Variants in CTNND2 observed in about 807,000 individuals in gnomAD.
The protein encoded by CTNND2 is catenin delta 2, also known as catenin delta-2.
CTNND2 carries 22 observed loss-of-function variants against 144.4 expected under a neutral mutation model. The ratio of observed to expected loss-of-function variants is 0.15; its 90% CI spans 0.11 to 0.22. The LOEUF (loss-of-function observed/expected upper bound fraction) is 0.22, where lower values mean the gene tolerates loss of function less well. CTNND2 is among the 10% of genes least tolerant of loss of function. The probability of loss-of-function intolerance (pLI) is 1.00; values close to 1 mark genes in which losing one functional copy is unlikely to be tolerated. For synonymous variants in CTNND2, 751 were observed against 695.6 expected (o/e 1.08, Z -1.25); for missense variants, 1,353 against 1,618.8 (o/e 0.84, Z 2.82).
At chr5:11,192,589 C>G (rs1736401604) in intron 11 of CTNND2, among the ~76,000 whole-genome samples, 1 of 152,138 alleles carries the variant, frequency 6.6e-6, no homozygotes, top group East Asian at 1.9e-4. Context: ...GAAAATGTGA[C>G]CATGGAGGAC....
chr5:11,679,609 C>T (rs1425484752), intron 2 of CTNND2, among the ~76,000 whole-genome samples: 1 of 152,174 alleles, frequency 6.6e-6, no homozygotes, highest in African/African-American at 2.4e-5. Context: ...GCTTCATTGG[C>T]TGCAATCAAG....
chr5:11,528,502 A>G (rs1773466456), intron 3 of CTNND2, among the ~76,000 whole-genome samples: 1 of 152,226 alleles, frequency 6.6e-6, no homozygotes, highest in African/African-American at 2.4e-5. Flanking sequence ...TAATTGAAAT[A>G]TATCAGAGGG....
intron 21 of CTNND2, among the ~76,000 whole-genome samples, chr5:10,980,126 T>A (rs2149484400): frequency 6.6e-6 from 1 of 152,038 alleles, no homozygotes; most frequent in South Asian, 2.1e-4. Flanking sequence ...AACTATAGAA[T>A]GGGAGAAATT....
chr5:11,345,483 AT>A (rs1183767959), intron 9 of CTNND2, among the ~76,000 whole-genome samples: 1 of 152,154 alleles, frequency 6.6e-6, no homozygotes, highest in African/African-American at 2.4e-5. Context: ...TTGCAAAAAA[AT>A]CTATTCCAAC....
chr5:11,564,737 G>A (rs974151010), intron 3 of CTNND2, among the ~76,000 whole-genome samples: 2 of 152,212 alleles, frequency 1.3e-5, no homozygotes, highest in African/African-American at 4.8e-5. Context: ...ATTCAGGGCA[G>A]GCATTAATTT....
At chr5:11,855,466 T>C (rs1467553386) in intron 1 of CTNND2, among the ~76,000 whole-genome samples, 4 of 152,172 alleles carry the variant, frequency 2.6e-5, no homozygotes, top group African/African-American at 9.7e-5. Context: ...CAAGGGAGTT[T>C]AGTGTGTACA....
intron 12 of CTNND2, among the ~76,000 whole-genome samples, chr5:11,131,525 C>T (rs758569641): frequency 2.6e-5 from 4 of 152,310 alleles, no homozygotes; most frequent in South Asian, 2.1e-4. Context: ...CAGTGGCTCA[C>T]GCCTGCAATC....
At chr5:11,807,241 C>T (rs530757168) in intron 1 of CTNND2, among the ~76,000 whole-genome samples, 1 of 152,020 alleles carries the variant, frequency 6.6e-6, no homozygotes, top group Non-Finnish European at 1.5e-5. Context: ...GTGTTTTTCC[C>T]CTTGGTTACT....
chr5:11,413,360 T>C (rs1761691537), intron 3 of CTNND2, among the ~76,000 whole-genome samples: 1 of 152,216 alleles, frequency 6.6e-6, no homozygotes, highest in Non-Finnish European at 1.5e-5. Flanking sequence ...GAATTTAATA[T>C]AAAGTAGTCC....
chr5:11,223,776 G>A (rs1580632933), intron 10 of CTNND2, among the ~76,000 whole-genome samples: 1 of 152,260 alleles, frequency 6.6e-6, no homozygotes, highest in East Asian at 1.9e-4. Flanking sequence ...TAGCCTGCAG[G>A]GAAAATCTCC....
intron 7 of CTNND2, among the ~76,000 whole-genome samples, chr5:11,380,328 G>A (rs1262499619): frequency 3.3e-5 from 5 of 152,144 alleles, no homozygotes; most frequent in African/African-American, 1.2e-4. Context: ...GCACACCCAA[G>A]GTAGTGTGGT....
intron 2 of CTNND2, among the ~76,000 whole-genome samples, chr5:11,700,393 A>G (rs1785374090): frequency 6.6e-6 from 1 of 152,166 alleles, no homozygotes; most frequent in African/African-American, 2.4e-5. Flanking sequence ...CCATCTCCAA[A>G]CAAACAAACA....
At chr5:11,524,105 A>G (rs116285192) in intron 3 of CTNND2, among the ~76,000 whole-genome samples, 354 of 152,306 alleles carry the variant, frequency 2.3e-3, no homozygotes, top group African/African-American at 7.3e-3. Context: ...GAGGGTGGGC[A>G]GGAGGTGGGC....
At chr5:11,715,732 C>T (rs200811472) in intron 2 of CTNND2, among the ~76,000 whole-genome samples, 3 of 152,096 alleles carry the variant, frequency 2.0e-5, no homozygotes, top group Non-Finnish European at 4.4e-5. Flanking sequence ...AAGAGATTAC[C>T]CATCCAAGTG....
intron 3 of CTNND2, among the ~76,000 whole-genome samples, chr5:11,543,222 C>T (rs1163666589): frequency 6.6e-6 from 1 of 152,204 alleles, no homozygotes; most frequent in African/African-American, 2.4e-5. Context: ...ACAGTCCAGG[C>T]TCTGCTACAC....
intron 10 of CTNND2, among the ~76,000 whole-genome samples, chr5:11,211,848 A>G (rs1017753444): frequency 3.9e-5 from 6 of 152,222 alleles, no homozygotes; most frequent in Non-Finnish European, 8.8e-5. Context: ...GGAGTATTAA[A>G]TTAAAAGTAA....
chr5:11,807,984 T>C (rs897962123), intron 1 of CTNND2, among the ~76,000 whole-genome samples: 4 of 152,178 alleles, frequency 2.6e-5, no homozygotes, highest in African/African-American at 9.7e-5. Flanking sequence ...CTATCAGTAA[T>C]AGTGGCTCCC....
intron 9 of CTNND2, among the ~76,000 whole-genome samples, chr5:11,248,419 A>G (rs1743231278): frequency 6.6e-6 from 1 of 152,062 alleles, no homozygotes; most frequent in African/African-American, 2.4e-5. Context: ...TAGTGTGTAG[A>G]TATTATATAT....
chr5:11,541,848 C>T (rs193143522), intron 3 of CTNND2, among the ~76,000 whole-genome samples: 17 of 147,680 alleles, frequency 1.2e-4, no homozygotes, highest in East Asian at 1.0e-3. Context: ...ACCCCCCCCC[C>T]CCGGCCAAAA....
Sources: gnomAD v4.1 joint callset for allele counts (sites outside exome capture counted in the v4.1 genomes callset) on GRCh38, gnomAD v4.1.1 for gene constraint, MANE v1.5 for transcripts, NCBI Gene and HGNC (gene_info 2026-07-23, HGNC 2026-07-21) for gene names.